AFG2A: variants seen among roughly 807,000 people sequenced by gnomAD.
AFG2A encodes ATPase family gene 2 protein homolog A.
chr4:123,292,470 G>C, the AFG2A span, among the ~76,000 whole-genome samples: 1 of 152,034 alleles, frequency 6.6e-6, no homozygotes, highest in Admixed American at 6.6e-5. Flanking sequence ...TATTTTTCTG[G>C]TTCCTTATCA....
chr4:122,984,122 G>C, the AFG2A span, among the ~76,000 whole-genome samples: 2 of 152,160 alleles, frequency 1.3e-5, no homozygotes, highest in Admixed American at 1.3e-4. Flanking sequence ...CATTTGTGTC[G>C]TGTATTTCTT....
the AFG2A span, among the ~76,000 whole-genome samples, chr4:123,290,510 AG>A: frequency 6.6e-6 from 1 of 152,210 alleles, no homozygotes; most frequent in Non-Finnish European, 1.5e-5. Flanking sequence ...GATATGTATT[AG>A]TCCATTTTCA....
chr4:123,312,274 G>T, the AFG2A span, among the ~76,000 whole-genome samples: 1 of 152,144 alleles, frequency 6.6e-6, no homozygotes, highest in Non-Finnish European at 1.5e-5. Flanking sequence ...GGGAGTCTCA[G>T]CTATGAGGGG....
the AFG2A span, chr4:123,256,149 T>C: frequency 2.5e-6 from 4 of 1,614,144 alleles, no homozygotes; most frequent in Non-Finnish European, 3.4e-6. Flanking sequence ...GATGAACTCA[T>C]CCTTCAAACC....
At chr4:123,257,172 T>C in the AFG2A span, among the ~76,000 whole-genome samples, 4 of 152,116 alleles carry the variant, frequency 2.6e-5, no homozygotes, top group African/African-American at 9.7e-5. Context: ...TATCATGCAG[T>C]CATAGCTAAT....
the AFG2A span, among the ~76,000 whole-genome samples, chr4:122,940,074 T>C: frequency 3.3e-5 from 5 of 152,326 alleles, no homozygotes; most frequent in African/African-American, 1.2e-4. Context: ...CTATTGTGAA[T>C]AGTGCCGCAA....
chr4:123,196,384 G>T, the AFG2A span, among the ~76,000 whole-genome samples: 1 of 151,880 alleles, frequency 6.6e-6, no homozygotes, highest in Admixed American at 6.6e-5. Flanking sequence ...ATTAATACTT[G>T]ACATATTTCT....
chr4:122,927,530 T>G, the AFG2A span: 9 of 1,152,918 alleles, frequency 7.8e-6, no homozygotes, highest in Admixed American at 2.5e-5. Flanking sequence ...GGTAAGTACA[T>G]TCATGTGGTT....
At chr4:122,929,230 C>T in the AFG2A span, 11 of 1,520,498 alleles carry the variant, frequency 7.2e-6, no homozygotes, top group Non-Finnish European at 7.9e-6. Flanking sequence ...CTATCTGGAT[C>T]AAAGCTGCCC....
the AFG2A span, among the ~76,000 whole-genome samples, chr4:122,972,203 A>G: frequency 6.6e-6 from 1 of 152,112 alleles, no homozygotes; most frequent in African/African-American, 2.4e-5. Flanking sequence ...GAAATATTCA[A>G]ATTGTATAGT....
At chr4:123,230,528 T>A in the AFG2A span, among the ~76,000 whole-genome samples, 2 of 151,940 alleles carry the variant, frequency 1.3e-5, no homozygotes, top group African/African-American at 4.8e-5. Flanking sequence ...CCCCTCAAAG[T>A]TATTCCTGAG....
the AFG2A span, among the ~76,000 whole-genome samples, chr4:123,264,518 G>A: frequency 1.3e-5 from 2 of 152,114 alleles, no homozygotes; most frequent in Non-Finnish European, 2.9e-5. Context: ...AAGGACAAAA[G>A]CACAATCTCT....
At chr4:123,231,515 G>A in the AFG2A span, among the ~76,000 whole-genome samples, 4 of 151,958 alleles carry the variant, frequency 2.6e-5, no homozygotes, top group Non-Finnish European at 5.9e-5. Flanking sequence ...CAGATCACTC[G>A]AAGTTTCTCC....
chr4:123,111,707 A>ACTT, the AFG2A span, among the ~76,000 whole-genome samples: 78 of 150,566 alleles, frequency 5.2e-4, no homozygotes, highest in African/African-American at 1.2e-3. Context: ...TTTGTATTAT[A>ACTT]CTTCTTCTTC....
the AFG2A span, chr4:123,057,300 T>TATG: frequency 1.3e-6 from 2 of 1,597,754 alleles, no homozygotes; most frequent in Non-Finnish European, 1.7e-6. Flanking sequence ...TAAGAAGTAT[T>TATG]TAATAGCACT....
the AFG2A span, among the ~76,000 whole-genome samples, chr4:123,088,910 C>T: frequency 6.6e-6 from 1 of 152,240 alleles, no homozygotes; most frequent in Non-Finnish European, 1.5e-5. Flanking sequence ...CGGTCTAATA[C>T]AGATATAGAA....
chr4:123,180,813 A>G, the AFG2A span, among the ~76,000 whole-genome samples: 100,421 of 151,790 alleles, frequency 0.66, 33,933 homozygotes, highest in Non-Finnish European at 0.72. Flanking sequence ...TATTCTTTTT[A>G]TTTTTAGGTC....
At chr4:123,147,574 G>A in the AFG2A span, among the ~76,000 whole-genome samples, 1 of 152,072 alleles carries the variant, frequency 6.6e-6, no homozygotes, top group Non-Finnish European at 1.5e-5. Flanking sequence ...AATACTTGAG[G>A]AATATGATTA....
chr4:123,306,198 A>G, the AFG2A span, among the ~76,000 whole-genome samples: 3 of 152,194 alleles, frequency 2.0e-5, no homozygotes, highest in Non-Finnish European at 2.9e-5. Context: ...GAGGATTTCT[A>G]AACATTTTTG....
Sources: allele counts gnomAD v4.1 joint callset (sites outside exome capture counted in the v4.1 genomes callset), GRCh38; gene constraint gnomAD v4.1.1; transcripts MANE v1.5; gene names NCBI Gene and HGNC (gene_info 2026-07-23, HGNC 2026-07-21).